The following PTPRD variants were observed in gnomAD, a reference collection of about 807,000 sequenced individuals.
PTPRD encodes the protein receptor-type tyrosine-protein phosphatase delta.
PTPRD carries 34 observed loss-of-function variants against 214.5 expected under a neutral mutation model. That is an observed-to-expected ratio of 0.16 (90% CI 0.12 to 0.21). The LOEUF (loss-of-function observed/expected upper bound fraction) is 0.21, where lower values mean the gene tolerates loss of function less well. PTPRD is among the 10% of genes least tolerant of loss of function. The probability of loss-of-function intolerance (pLI) is 1.00; values close to 1 mark genes in which losing one functional copy is unlikely to be tolerated. For missense variants in PTPRD, 2,545 were observed against 2,398.7 expected, an observed-to-expected ratio of 1.06 and a Z score of -1.27; for synonymous variants, 1,128 against 845.7, an observed-to-expected ratio of 1.33 and a Z score of -5.79.
intron 2 of PTPRD, among the ~76,000 whole-genome samples, chr9:10,417,338 T>C (rs764036026): frequency 4.6e-5 from 7 of 151,928 alleles, no homozygotes; most frequent in Non-Finnish European, 8.8e-5. Context: ...GAATGCCTTG[T>C]AAACTTTGTT....
At chr9:9,804,798 TG>T (rs1243348421) in intron 5 of PTPRD, among the ~76,000 whole-genome samples, 1 of 151,522 alleles carries the variant, frequency 6.6e-6, no homozygotes, top group Non-Finnish European at 1.5e-5. Context: ...TATAATCAGA[TG>T]ATTCAAAATA....
chr9:8,489,559 A>G (rs75313131), intron 27 of PTPRD, among the ~76,000 whole-genome samples: 278 of 152,338 alleles, frequency 1.8e-3, no homozygotes, highest in African/African-American at 6.2e-3. Context: ...AGAACACCCA[A>G]TATCACCTCA....
chr9:9,845,561 T>C (rs558994023), intron 5 of PTPRD, among the ~76,000 whole-genome samples: 11 of 152,026 alleles, frequency 7.2e-5, no homozygotes, highest in African/African-American at 1.7e-4. Context: ...ACTTCTGATA[T>C]GGCTAGAGAC....
intron 12 of PTPRD, among the ~76,000 whole-genome samples, chr9:8,672,387 A>G (rs1334530405): frequency 6.6e-6 from 1 of 152,262 alleles, no homozygotes; most frequent in East Asian, 1.9e-4. Flanking sequence ...ATTTGACACT[A>G]CACATATCTA....
At chr9:8,919,988 A>G (rs1162412117) in intron 11 of PTPRD, among the ~76,000 whole-genome samples, 1 of 148,930 alleles carries the variant, frequency 6.7e-6, no homozygotes, top group African/African-American at 2.4e-5. Context: ...TCTTGTTACA[A>G]TCAGGAGTAT....
intron 9 of PTPRD, among the ~76,000 whole-genome samples, chr9:9,306,283 G>T (rs537689609): frequency 6.6e-6 from 1 of 151,686 alleles, no homozygotes; most frequent in Non-Finnish European, 1.5e-5. Context: ...TGTTTTCTCG[G>T]CTGGGCGCAG....
chr9:10,008,851 C>A (rs2154102786), intron 4 of PTPRD, among the ~76,000 whole-genome samples: 1 of 152,054 alleles, frequency 6.6e-6, no homozygotes, highest in Non-Finnish European at 1.5e-5. Flanking sequence ...TAAAGAACCA[C>A]ACTTGCCTCT....
chr9:10,341,657 G>C (rs1476528908), intron 2 of PTPRD, among the ~76,000 whole-genome samples: 1 of 151,984 alleles, frequency 6.6e-6, no homozygotes, highest in Non-Finnish European at 1.5e-5. Flanking sequence ...AGAGTTGATA[G>C]ATGGTTTTAA....
At chr9:9,531,886 T>G (rs777556843) in intron 8 of PTPRD, among the ~76,000 whole-genome samples, 1 of 152,082 alleles carries the variant, frequency 6.6e-6, no homozygotes, top group Non-Finnish European at 1.5e-5. Flanking sequence ...TACAGAAGAT[T>G]GTAAGTATAG....
At chr9:9,419,783 C>T (rs1366414728) in intron 8 of PTPRD, among the ~76,000 whole-genome samples, 1 of 151,434 alleles carries the variant, frequency 6.6e-6, no homozygotes, top group African/African-American at 2.4e-5. Flanking sequence ...AAGATGACTG[C>T]AAGGAAAACA....
At chr9:9,073,504 A>C (rs2099746816) in intron 10 of PTPRD, among the ~76,000 whole-genome samples, 1 of 152,216 alleles carries the variant, frequency 6.6e-6, no homozygotes, top group South Asian at 2.1e-4. Flanking sequence ...CCACCAGTTA[A>C]GTAAAGCAGA....
intron 3 of PTPRD, among the ~76,000 whole-genome samples, chr9:10,121,503 G>C (rs1188921861): frequency 2.0e-5 from 3 of 152,092 alleles, no homozygotes; most frequent in Non-Finnish European, 4.4e-5. Flanking sequence ...CAAAACACGA[G>C]CAATATAACG....
chr9:9,485,575 T>G (rs2095595112), intron 8 of PTPRD, among the ~76,000 whole-genome samples: 1 of 152,174 alleles, frequency 6.6e-6, no homozygotes, highest in African/African-American at 2.4e-5. Context: ...TAGTAGATAA[T>G]CTAGTCTCTT....
intron 8 of PTPRD, among the ~76,000 whole-genome samples, chr9:9,445,531 C>A (rs1431140480): frequency 6.6e-6 from 1 of 152,016 alleles, no homozygotes. Context: ...CTGGGAAGAC[C>A]TCAGGAAACT....
intron 3 of PTPRD, among the ~76,000 whole-genome samples, chr9:10,320,946 T>C (rs997258795): frequency 6.6e-6 from 1 of 151,940 alleles, no homozygotes; most frequent in African/African-American, 2.4e-5. Context: ...GAGGCTGGTC[T>C]CGAACTCCTG....
At chr9:9,655,823 C>G (rs533874892) in intron 7 of PTPRD, among the ~76,000 whole-genome samples, 69 of 151,634 alleles carry the variant, frequency 4.6e-4, no homozygotes, top group African/African-American at 1.6e-3. Context: ...ACTAAAAATG[C>G]AAAAATTAGC....
At chr9:10,401,348 C>G (rs530574082) in intron 2 of PTPRD, among the ~76,000 whole-genome samples, 2 of 151,430 alleles carry the variant, frequency 1.3e-5, no homozygotes, top group Admixed American at 1.3e-4. Flanking sequence ...CTCTAGATGA[C>G]AAGTCTATCA....
chr9:8,539,513 T>C lies in PTPRD; in HGVS notation c.353-10734A>G, dbSNP rs552085187. ...AAAATTTTAACTATTTTTAAAATAA[T>C]AATAAAATATGTAAAGAAAAATTAG... On this transcript the variant is annotated intron_variant, in intron 14 of 45. Transcript: ENST00000381196. Among the ~76,000 whole-genome samples the C allele has an allele frequency of 1.6e-3, 243 of 151,882 alleles. 1 individual carries two copies. The highest frequency in any genetic ancestry group is 5.6e-3 in the African/African-American group (233 of 41,516).
chr9:10,112,251 G>C (rs2098697389), intron 3 of PTPRD, among the ~76,000 whole-genome samples: 1 of 152,170 alleles, frequency 6.6e-6, no homozygotes, highest in South Asian at 2.1e-4. Context: ...TCACAGCTGA[G>C]CTCCCAGGGT....
Sources: gnomAD v4.1 joint callset for allele counts (sites outside exome capture counted in the v4.1 genomes callset) on GRCh38, gnomAD v4.1.1 for gene constraint, MANE v1.5 for transcripts, NCBI Gene and HGNC (gene_info 2026-07-23, HGNC 2026-07-21) for gene names.